SPPL2A: variants seen among roughly 807,000 people sequenced by gnomAD.
SPPL2A encodes the protein signal peptide peptidase-like 2A.
In SPPL2A, 51 loss-of-function variants were observed where a neutral mutation model predicts 63.8. That is an observed-to-expected ratio of 0.80 (90% CI 0.64 to 1.01). The LOEUF (loss-of-function observed/expected upper bound fraction) is 1.01. Among genes scored for constraint, SPPL2A ranks in the 50% least tolerant of loss-of-function variants. The probability of loss-of-function intolerance (pLI) is 0.00; values close to 1 mark genes in which losing one functional copy is unlikely to be tolerated. For synonymous variants in SPPL2A, 188 were observed against 205.8 expected, an observed-to-expected ratio of 0.91 and a Z score of 0.74; for missense variants, 553 against 622.7, an observed-to-expected ratio of 0.89 and a Z score of 1.19.
intron 1 of SPPL2A, among the ~76,000 whole-genome samples, chr15:50,756,547 A>G (rs2062958679): frequency 6.6e-6 from 1 of 151,932 alleles, no homozygotes; most frequent in South Asian, 2.1e-4. Flanking sequence ...CTATGGCTTC[A>G]TTAAAACCTT....
Position 50,705,974 on chromosome 15 carries a change from C to G in SPPL2A, c.*1826G>C, listed in dbSNP as rs1011603707. On this transcript the variant is annotated 3_prime_UTR_variant, in exon 15 of 15. Coordinates refer to ENST00000261854, the MANE Select transcript of SPPL2A (RefSeq NM_032802.4). ...AGAAAATGGAAAGATAATTTGACCT[C>G]TGACTTCCAGGAGAATGTTCAGGCC... 1 of 152,176 alleles carries G rather than the reference C, an allele frequency of 6.6e-6. No individual in the cohort carries two copies. The highest frequency in any genetic ancestry group is 1.5e-5 in the Non-Finnish European group (1 of 68,024). The allele number at this position is 152,176 out of a possible 1,614,324, so 9.4% of individuals were successfully genotyped here.
At chr15:50,760,251 C>G (rs893166099) in intron 1 of SPPL2A, among the ~76,000 whole-genome samples, 6 of 144,640 alleles carry the variant, frequency 4.1e-5, no homozygotes, top group Non-Finnish European at 9.0e-5. Context: ...AGAAAGCTCT[C>G]TGATGTCTTT....
At chr15:50,743,654 G>C (rs1260724997) in intron 5 of SPPL2A, among the ~76,000 whole-genome samples, 1 of 151,960 alleles carries the variant, frequency 6.6e-6, no homozygotes, top group Non-Finnish European at 1.5e-5. Flanking sequence ...GCCTGAATTT[G>C]TATTTTAATA....
chr15:50,742,789 T>C (rs1357333667), intron 5 of SPPL2A: 1 of 152,150 alleles, frequency 6.6e-6, no homozygotes, highest in Non-Finnish European at 1.5e-5. Flanking sequence ...AATCTGGTTT[T>C]TGAAGGCAAC....
rs146616941 is a variant in SPPL2A, at chr15:50,741,803, T to C, written c.585-1975A>G. Among the ~76,000 whole-genome samples the C allele has an allele frequency of 8.9e-3, 1,350 of 151,860 alleles. 27 individuals are homozygous for C. The highest frequency in any genetic ancestry group is 0.031 in the African/African-American group (1,293 of 41,396). On this transcript the variant is annotated intron_variant, in intron 5 of 14. Coordinates refer to ENST00000261854, the MANE Select transcript of SPPL2A (RefSeq NM_032802.4). ...CAACATGATGAAAGTCCATCTCTAC[T>C]AAAAATACAAAAATTAGCCAGGCAT...
intron 1 of SPPL2A, among the ~76,000 whole-genome samples, chr15:50,758,457 C>A (rs192545008): frequency 6.6e-6 from 1 of 151,534 alleles, no homozygotes. Flanking sequence ...CTCAGCCTCC[C>A]GAGTTGCTGG....
intron 1 of SPPL2A, among the ~76,000 whole-genome samples, chr15:50,757,544 C>A (rs2062970727): frequency 6.6e-6 from 1 of 152,138 alleles, no homozygotes; most frequent in African/African-American, 2.4e-5. Context: ...TCCTCCAGGG[C>A]CATCAAATCA....
rs776734539 is a variant in SPPL2A at position 50,707,893 on chromosome 15, C to A, written c.1489-19G>T. 13 of 1,458,094 alleles carry A rather than the reference C, an allele frequency of 8.9e-6. No homozygotes were observed. The African/African-American group carries it at 1.3e-4, about 14-fold the overall frequency. 90.3% of individuals were successfully genotyped at this position (1,458,094 alleles called of 1,614,324 possible). Reference sequence around the variant, plus strand: ...CCATCATCTAGGCATAAATAAAAGACGTTAGGAAATGCAAAATTTCAACTT... The same window carrying A: ...CCATCATCTAGGCATAAATAAAAGAAGTTAGGAAATGCAAAATTTCAACTT... On this transcript the variant is annotated intron_variant, in intron 14 of 14. Coordinates refer to ENST00000261854, the MANE Select transcript of SPPL2A (RefSeq NM_032802.4).
intron 13 of SPPL2A, among the ~76,000 whole-genome samples, chr15:50,721,669 A>G (rs1462674397): frequency 6.6e-6 from 1 of 151,470 alleles, no homozygotes; most frequent in Non-Finnish European, 1.5e-5. Flanking sequence ...CAGTGGGGCA[A>G]TCTTGGCTCA....
In SPPL2A at chr15:50,706,574, T is replaced by A. The variant is rs949126887; in HGVS notation, c.*1226A>T. 1 of 151,340 alleles carries A rather than the reference T, an allele frequency of 6.6e-6. No homozygotes were observed. The highest frequency in any genetic ancestry group is 6.6e-5 in the Admixed American group (1 of 15,150). 9.4% of individuals were successfully genotyped at this position (151,340 alleles called of 1,614,324 possible). On this transcript the variant is annotated 3_prime_UTR_variant, in exon 15 of 15. Transcript: ENST00000261854. Reference sequence around the variant, plus strand: ...CACCAAGATTAAGAATCATTACCTATGGGAAAAGGGGTGGGCATCAGGAAG... The same window carrying A: ...CACCAAGATTAAGAATCATTACCTAAGGGAAAAGGGGTGGGCATCAGGAAG...
chr15:50,751,454 G>C (rs1201242582), intron 1 of SPPL2A, among the ~76,000 whole-genome samples: 1 of 152,190 alleles, frequency 6.6e-6, no homozygotes, highest in Non-Finnish European at 1.5e-5. Flanking sequence ...AGGTTGCTTA[G>C]ATTTAATTTA....
chr15:50,744,124 A>T lies in SPPL2A; in HGVS notation c.584+3371T>A, dbSNP rs527859936. 1.1e-4 allele frequency among the ~76,000 whole-genome samples: 17 copies of T among 151,786 alleles called. No homozygotes were observed. In the South Asian group the frequency reaches 2.9e-3, roughly 26 times the overall value. Reference sequence around the variant, plus strand: ...AACCTGGGAGGTGGAGGTTGCAGTGAGTCAAGATTGCACCACTGCACTGCA... The same window carrying T: ...AACCTGGGAGGTGGAGGTTGCAGTGTGTCAAGATTGCACCACTGCACTGCA... On this transcript the variant is annotated intron_variant, in intron 5 of 14. Transcript: ENST00000261854.
At chr15:50,763,371 G>GA (rs1274933274) in intron 1 of SPPL2A, among the ~76,000 whole-genome samples, 1 of 152,084 alleles carries the variant, frequency 6.6e-6, no homozygotes, top group East Asian at 1.9e-4. Flanking sequence ...AAATCAACAA[G>GA]AAATAGAAAA....
intron 1 of SPPL2A, among the ~76,000 whole-genome samples, chr15:50,759,347 G>A (rs958741517): frequency 6.6e-5 from 10 of 152,152 alleles, no homozygotes; most frequent in South Asian, 4.1e-4. Flanking sequence ...TTGAGAGGCC[G>A]AGGTAGGAGG....
At chr15:50,712,295 C>G (rs1032354893) in intron 14 of SPPL2A, among the ~76,000 whole-genome samples, 1 of 152,174 alleles carries the variant, frequency 6.6e-6, no homozygotes, top group Non-Finnish European at 1.5e-5. Flanking sequence ...GGAGCGCCTA[C>G]TTCCTTCTAA....
chr15:50,749,759 C>T lies in SPPL2A; in HGVS notation c.67-13G>A, dbSNP rs2062892331. 2 of 1,523,066 alleles carry T rather than the reference C, an allele frequency of 1.3e-6. No homozygotes were observed. Among genetic ancestry groups the T allele is most frequent in the African/African-American group, 1.4e-5 (1 of 73,196 alleles). The allele number at this position is 1,523,066 out of a possible 1,614,324, so 94.3% of individuals were successfully genotyped here. A position where few individuals can be genotyped will look rare whatever the true frequency, so the allele number is the denominator to read the frequency against. On this transcript the variant is annotated splice_polypyrimidine_tract_variant and intron_variant, in intron 1 of 14. Coordinates refer to ENST00000261854, the MANE Select transcript of SPPL2A (RefSeq NM_032802.4). ...CCTGAGCGGCTGTCTAGGAGACAAA[C>T]AATAACTTTCAAACTTGCAATGTTA...
chr15:50,737,118 GC>G (rs2062777534), intron 6 of SPPL2A, among the ~76,000 whole-genome samples: 1 of 151,948 alleles, frequency 6.6e-6, no homozygotes, highest in South Asian at 2.1e-4. Flanking sequence ...TGTCATGTTG[GC>G]CAGGCTGGTC....
chr15:50,748,880 A>G lies in SPPL2A; in HGVS notation c.178-10T>C. ...TCAAACTAATGGAAGTCTGAAAATA[A>G]GAAATGTCTTTTTAACATGTTAAAA... On this transcript the variant is annotated splice_polypyrimidine_tract_variant and intron_variant, in intron 2 of 14. Coordinates refer to ENST00000261854, the MANE Select transcript of SPPL2A (RefSeq NM_032802.4). 6.5e-7 allele frequency: 1 copy of G among 1,547,376 alleles called. No homozygotes were observed. Among genetic ancestry groups the G allele is most frequent in the South Asian group, 1.2e-5 (1 of 83,532 alleles).
At chr15:50,714,053 C>G (rs1001725869) in intron 14 of SPPL2A, among the ~76,000 whole-genome samples, 3 of 152,182 alleles carry the variant, frequency 2.0e-5, no homozygotes, top group African/African-American at 7.2e-5. Flanking sequence ...TTTAGGCAGC[C>G]TGGTACTAGA....
Sources: gnomAD v4.1 joint callset for allele counts (sites outside exome capture counted in the v4.1 genomes callset) on GRCh38, gnomAD v4.1.1 for gene constraint, MANE v1.5 for transcripts, NCBI Gene and HGNC (gene_info 2026-07-23, HGNC 2026-07-21) for gene names.